TRIM5: variants seen among roughly 807,000 people sequenced by gnomAD.
TRIM5 encodes tripartite motif-containing protein 5.
In TRIM5, 31 loss-of-function variants were observed where a neutral mutation model predicts 35.6. The ratio of observed to expected loss-of-function variants is 0.87; its 90% CI spans 0.65 to 1.18. The LOEUF is 1.18. Ranked by LOEUF, TRIM5 falls within the 50% of genes most tolerant of loss-of-function variation. TRIM5 has a pLI of 0.00. For synonymous variants in TRIM5, 243 were observed against 215.6 expected (o/e 1.13, Z -1.11); for missense variants, 609 against 591.6 (o/e 1.03, Z -0.31).
the TRIM5 span, among the ~76,000 whole-genome samples, chr11:5,613,827 T>C: frequency 6.6e-6 from 1 of 152,220 alleles, no homozygotes. Context: ...CTAGAGCCGA[T>C]ATTTAAGTTT....
chr11:5,673,188 T>C (rs1366706320), intron 4 of TRIM5, among the ~76,000 whole-genome samples: 3 of 152,074 alleles, frequency 2.0e-5, no homozygotes, highest in East Asian at 1.9e-4. Context: ...TAGGAGAGCA[T>C]ATATTAGATT....
the TRIM5 span, among the ~76,000 whole-genome samples, chr11:5,641,811 A>G: frequency 3.0e-4 from 46 of 152,320 alleles, 1 homozygote; most frequent in East Asian, 7.3e-3. Flanking sequence ...AGTTTCTTAC[A>G]AAGACATAAA....
the TRIM5 span, chr11:5,604,622 C>T: frequency 6.2e-7 from 1 of 1,611,258 alleles, no homozygotes; most frequent in East Asian, 2.2e-5. Flanking sequence ...AAGAAAACAT[C>T]CTGGAAGGCA....
the TRIM5 span, chr11:5,643,497 C>G: frequency 2.5e-6 from 4 of 1,614,186 alleles, no homozygotes; most frequent in East Asian, 6.7e-5. Context: ...GTCCTCTGAT[C>G]CCGAGGTTTT....
chr11:5,669,374 C>T (rs770323843), intron 4 of TRIM5, among the ~76,000 whole-genome samples: 12 of 152,306 alleles, frequency 7.9e-5, no homozygotes, highest in Non-Finnish European at 1.5e-4. Flanking sequence ...GCCACCGCAC[C>T]CAGCTAGTTT....
the TRIM5 span, among the ~76,000 whole-genome samples, chr11:5,650,019 C>CT: frequency 6.6e-6 from 1 of 152,166 alleles, no homozygotes; most frequent in Non-Finnish European, 1.5e-5. Context: ...CTTTGCTACA[C>CT]TTTATTTCCT....
At chr11:5,610,721 C>T in the TRIM5 span, 1 of 1,588,938 alleles carries the variant, frequency 6.3e-7, no homozygotes, top group South Asian at 1.2e-5. Flanking sequence ...CTCTTCTCAG[C>T]ATAACGAGAC....
At chr11:5,592,961 TGAGAG>T in the TRIM5 span, among the ~76,000 whole-genome samples, 1 of 108,278 alleles carries the variant, frequency 9.2e-6, no homozygotes, top group African/African-American at 3.2e-5. Flanking sequence ...GAAGAAAAAA[TGAGAG>T]GAAAGTAGGG....
At chr11:5,605,224 C>A in the TRIM5 span, 1 of 1,400,354 alleles carries the variant, frequency 7.1e-7, no homozygotes. Flanking sequence ...CCCTCCCTCT[C>A]CCTGGGAGGC....
chr11:5,682,233 GTC>G (rs1177223744), intron 1 of TRIM5, among the ~76,000 whole-genome samples: 3 of 152,164 alleles, frequency 2.0e-5, no homozygotes. Flanking sequence ...GTGAAATTCT[GTC>G]TCTACTAAAA....
the TRIM5 span, among the ~76,000 whole-genome samples, chr11:5,614,997 C>G: frequency 6.6e-6 from 1 of 152,064 alleles, no homozygotes. Context: ...CCATTCTATT[C>G]AAGATTCTAT....
At chr11:5,657,515 TA>T in the TRIM5 span, among the ~76,000 whole-genome samples, 25 of 137,446 alleles carry the variant, frequency 1.8e-4, no homozygotes, top group Middle Eastern at 3.6e-3. Context: ...ATATTATATA[TA>T]ATGCATTATA....
At chr11:5,642,736 T>G in the TRIM5 span, 1 of 1,579,616 alleles carries the variant, frequency 6.3e-7, no homozygotes, top group Non-Finnish European at 8.6e-7. Flanking sequence ...CCTTCCCCTG[T>G]CCCTACTCTA....
downstream of TRIM5, among the ~76,000 whole-genome samples, chr11:5,658,965 A>G (rs1197265263): frequency 1.3e-5 from 2 of 152,124 alleles, no homozygotes; most frequent in African/African-American, 2.4e-5. Context: ...GAACACTTGG[A>G]CACAGGGCGG....
At chr11:5,681,407 G>A (rs1052630394) in intron 1 of TRIM5, among the ~76,000 whole-genome samples, 3 of 152,146 alleles carry the variant, frequency 2.0e-5, no homozygotes, top group African/African-American at 4.8e-5. Flanking sequence ...ATACGTCTAC[G>A]TATAGGTGTG....
the TRIM5 span, chr11:5,610,811 A>C: frequency 6.2e-7 from 1 of 1,614,188 alleles, no homozygotes; most frequent in Non-Finnish European, 8.5e-7. Context: ...CAGCTAATTT[A>C]AATCTTGTCC....
chr11:5,589,792 C>T, the TRIM5 span: 28 of 157,612 alleles, frequency 1.8e-4, no homozygotes, highest in South Asian at 4.1e-3. Context: ...TTGAGGAGCC[C>T]TTCAGCCCAC....
chr11:5,596,733 C>T, the TRIM5 span: 1 of 1,090,444 alleles, frequency 9.2e-7, no homozygotes, highest in Non-Finnish European at 1.3e-6. Flanking sequence ...CCCTGCCTTT[C>T]TCGGAACGGA....
rs757596647 is a variant in TRIM5, at chr11:5,664,509, G to A, written c.*300C>T. The stretch of plus-strand genomic sequence containing the variant: ...TCTTAGTCAGTGTCAGAGGCAATTG[G>A]GTGATAAATATCTGGCAGAAGTAAT... On this transcript the variant is annotated 3_prime_UTR_variant, in exon 8 of 8. Coordinates refer to ENST00000380034, the MANE Select transcript of TRIM5 (RefSeq NM_033034.3). The A allele has an allele frequency of 4.4e-5, 48 of 1,088,008 alleles. No homozygotes were observed. The highest frequency in any genetic ancestry group is 1.5e-4 in the African/African-American group (9 of 60,334). 67.4% of individuals were successfully genotyped at this position (1,088,008 alleles called of 1,614,324 possible).
Sources: allele counts gnomAD v4.1 joint callset (sites outside exome capture counted in the v4.1 genomes callset), GRCh38; gene constraint gnomAD v4.1.1; transcripts MANE v1.5; gene names NCBI Gene and HGNC (gene_info 2026-07-23, HGNC 2026-07-21).